Variants in MGST1 observed in about 807,000 individuals in gnomAD.
The protein encoded by MGST1 is glutathione S-transferase 12.
A neutral mutation model predicts 8.9 loss-of-function variants in MGST1; 5 were observed. The observed-to-expected ratio is 0.56, with a 90% confidence interval of 0.29 to 1.19. The LOEUF is 1.19. MGST1 is among the 50% of genes most tolerant of loss of function. MGST1 has a pLI of 0.08. For missense variants in MGST1, 182 were observed against 187.4 expected (o/e 0.97, Z 0.17); for synonymous variants, 54 against 67.8 (o/e 0.80, Z 1.00).
intron 4 of MGST1, among the ~76,000 whole-genome samples, chr12:16,572,066 A>G (rs1204318271): frequency 6.6e-6 from 1 of 152,014 alleles, no homozygotes; most frequent in Non-Finnish European, 1.5e-5. Context: ...TAAGAAATTA[A>G]CAAAAGGAAA....
intron 4 of MGST1, among the ~76,000 whole-genome samples, chr12:16,577,166 AC>A (rs1022702865): frequency 2.0e-5 from 3 of 152,174 alleles, no homozygotes; most frequent in African/African-American, 4.8e-5. Context: ...TACCATCATT[AC>A]CCCATTACTC....
In MGST1 at chr12:16,410,073, A is replaced by AG. The variant is rs1392006699; in HGVS notation, n.778+26470dup. ...GTAGTGTAGCGCAGATTTAACTCTG[A>AG]GCTTTCTCTTTGCTGTTCATAATCT... is the stretch of plus-strand genomic sequence containing the variant. On this transcript the variant is annotated intron_variant and non_coding_transcript_variant, in intron 1 of 1. Transcript: ENST00000359720. The surrounding 1 kb of genome is among the most constrained non-coding windows in gnomAD (Gnocchi z 4.4). Among the ~76,000 whole-genome samples, 2 of 152,100 alleles carry AG rather than the reference A, an allele frequency of 1.3e-5. No individual in the cohort carries two copies. The highest frequency in any genetic ancestry group is 2.9e-5 in the Non-Finnish European group (2 of 68,010).
chr12:16,368,722 A>G (rs984769273), downstream of MGST1, among the ~76,000 whole-genome samples: 1 of 152,126 alleles, frequency 6.6e-6, no homozygotes, highest in Non-Finnish European at 1.5e-5. Flanking sequence ...GAGCCTCCTC[A>G]GTCAGCAAGC....
chr12:16,387,493 A>G (rs1940513650), intron 1 of MGST1, among the ~76,000 whole-genome samples: 1 of 151,840 alleles, frequency 6.6e-6, no homozygotes, highest in African/African-American at 2.4e-5. Context: ...CAATCCTGCA[A>G]GCTCCATTCA....
intron 4 of MGST1, among the ~76,000 whole-genome samples, chr12:16,486,309 A>G (rs1327075612): frequency 6.6e-6 from 1 of 152,204 alleles, no homozygotes; most frequent in East Asian, 1.9e-4. Flanking sequence ...TTTTTGCCTG[A>G]AGCACCTAGA....
intron 4 of MGST1, among the ~76,000 whole-genome samples, chr12:16,516,295 G>T (rs760799616): frequency 5.9e-5 from 9 of 152,118 alleles, no homozygotes; most frequent in African/African-American, 2.2e-4. Flanking sequence ...CTTTCCAGTA[G>T]GTTATCTAAG....
In MGST1 at chr12:16,364,279, A is replaced by G; in HGVS notation, c.*238A>G. 1 of 1,184,792 alleles carries G rather than the reference A, an allele frequency of 8.4e-7. No homozygotes were observed. 73.4% of individuals were successfully genotyped at this position (1,184,792 alleles called of 1,614,324 possible). On this transcript the variant is annotated 3_prime_UTR_variant, in exon 4 of 4. Coordinates refer to ENST00000396210, the MANE Select transcript of MGST1 (RefSeq NM_020300.5). The surrounding 1 kb of genome is among the most constrained non-coding windows in gnomAD (Gnocchi z 5.7). Reference sequence around the variant, plus strand: ...TGATTTTTAAAGTACTTTCTTATAAATTTGGATCATGTTATGATTTGTAAC... The same window carrying G: ...TGATTTTTAAAGTACTTTCTTATAAGTTTGGATCATGTTATGATTTGTAAC...
chr12:16,489,574 C>T (rs1483702378), intron 4 of MGST1, among the ~76,000 whole-genome samples: 1 of 152,078 alleles, frequency 6.6e-6, no homozygotes, highest in Non-Finnish European at 1.5e-5. Flanking sequence ...TCCTTATTTC[C>T]ATTATTCATT....
At chr12:16,494,606 A>G (rs936682160) in intron 4 of MGST1, among the ~76,000 whole-genome samples, 2 of 152,150 alleles carry the variant, frequency 1.3e-5, no homozygotes, top group African/African-American at 4.8e-5. Context: ...TTTGCAAGCT[A>G]TGATTGTCTC....
downstream of MGST1, among the ~76,000 whole-genome samples, chr12:16,377,628 CAGCATGATTTATAATCCTTTGGGT>C (rs1940402844): frequency 6.6e-6 from 1 of 152,164 alleles, no homozygotes; most frequent in East Asian, 1.9e-4. Context: ...GTCTTTATAG[CAGCATGATTTATAATCCTTTGGGT>C]ATATACCCAG....
intron 2 of MGST1, among the ~76,000 whole-genome samples, chr12:16,357,031 G>A (rs1939746891): frequency 2.0e-5 from 3 of 152,074 alleles, no homozygotes; most frequent in African/African-American, 7.2e-5. Flanking sequence ...CCCCATATTT[G>A]CTTCCTTTTC....
At chr12:16,512,581 A>G (rs955681369) in intron 4 of MGST1, among the ~76,000 whole-genome samples, 2 of 152,216 alleles carry the variant, frequency 1.3e-5, no homozygotes, top group Non-Finnish European at 2.9e-5. Flanking sequence ...TCACTTTACA[A>G]TTATTTCTTT....
intron 4 of MGST1, among the ~76,000 whole-genome samples, chr12:16,514,661 C>T (rs927618626): frequency 1.3e-5 from 2 of 150,096 alleles, no homozygotes; most frequent in East Asian, 2.5e-4. Flanking sequence ...TTCACCAGGT[C>T]ACCAAGTAAT....
chr12:16,371,862 A>G lies in MGST1; in HGVS notation c.222-4260A>G, dbSNP rs570789933. On this transcript the variant is annotated intron_variant, in intron 3 of 3. Transcript: ENST00000535309. ...CACATAGATCAATGGGACAGAATAG[A>G]GAACCCAGAAATAAATCCATGAATT... 6.6e-5 allele frequency among the ~76,000 whole-genome samples: 10 copies of G among 152,286 alleles called. No homozygotes were observed. In the East Asian group the frequency reaches 1.9e-3, roughly 29 times the overall value.
chr12:16,579,552 G>GA (rs1045298374), intron 4 of MGST1, among the ~76,000 whole-genome samples: 1 of 151,976 alleles, frequency 6.6e-6, no homozygotes, highest in Non-Finnish European at 1.5e-5. Flanking sequence ...CTAATAATTT[G>GA]AAAAAAAGAT....
intron 4 of MGST1, among the ~76,000 whole-genome samples, chr12:16,483,748 T>C (rs1294323863): frequency 6.6e-6 from 1 of 152,158 alleles, no homozygotes; most frequent in East Asian, 1.9e-4. Flanking sequence ...TATTGTCAAT[T>C]TCATTATCAT....
downstream of MGST1, among the ~76,000 whole-genome samples, chr12:16,590,487 A>G (rs1943459068): frequency 6.6e-6 from 1 of 152,090 alleles, no homozygotes; most frequent in Admixed American, 6.6e-5. Flanking sequence ...TTGACTTTAA[A>G]AAGTGAAAAA....
rs566190415 is a variant in MGST1, at chr12:16,412,940, A to G, written n.779-24448A>G. Among the ~76,000 whole-genome samples, 4 of 152,288 alleles carry G rather than the reference A, an allele frequency of 2.6e-5. No individual in the cohort carries two copies. In the South Asian group the frequency reaches 8.3e-4, roughly 32 times the overall value. On this transcript the variant is annotated intron_variant and non_coding_transcript_variant, in intron 1 of 1. Transcript: ENST00000359720. ...TTGGAAAAGTCAACCTTTAATGGGG[A>G]GAAGAAAAGGCTCTTGATTCAAGAA...
At chr12:16,485,306 A>G (rs906990433) in intron 4 of MGST1, among the ~76,000 whole-genome samples, 17 of 152,322 alleles carry the variant, frequency 1.1e-4, no homozygotes, top group Admixed American at 1.1e-3. Flanking sequence ...TAGAAGTGTA[A>G]CGTTCGGTGT....
Sources: allele counts gnomAD v4.1 joint callset (sites outside exome capture counted in the v4.1 genomes callset), GRCh38; gene constraint gnomAD v4.1.1; non-coding constraint Gnocchi (gnomAD v3.1); transcripts MANE v1.5; gene names NCBI Gene and HGNC (gene_info 2026-07-23, HGNC 2026-07-21).